The following CATSPERB variants were observed in gnomAD, a reference collection of about 807,000 sequenced individuals.
CATSPERB encodes the protein cation channel sperm-associated auxiliary subunit beta.
A neutral mutation model predicts 128.3 loss-of-function variants in CATSPERB; 93 were observed. The observed-to-expected ratio is 0.72, with a 90% CI of 0.61 to 0.86. The LOEUF is 0.86. CATSPERB is among the 40% of genes least tolerant of loss of function. The pLI is 0.00. For missense variants in CATSPERB, 1,153 were observed against 1,329.5 expected (o/e 0.87, Z 2.06); for synonymous variants, 381 against 448.8 (o/e 0.85, Z 1.91).
intron 20 of CATSPERB, among the ~76,000 whole-genome samples, chr14:91,616,032 A>G (rs1595148074): frequency 6.6e-6 from 1 of 151,950 alleles, no homozygotes; most frequent in East Asian, 1.9e-4. Flanking sequence ...GGCGCATGCC[A>G]CCATGCCTGG....
At chr14:91,731,803 A>G (rs1938736367) in intron 1 of CATSPERB, 127 bp downstream of exon 1, 1 of 152,202 alleles carries the variant, frequency 6.6e-6, no homozygotes, top group African/African-American at 2.4e-5. Flanking sequence ...GAATTGCCCC[A>G]TTGAAGGAAG....
rs552146962 is a variant in CATSPERB at position 91,665,303 on chromosome 14, C to A, written c.1287+4511G>T. On this transcript the variant is annotated intron_variant, in intron 14 of 26. Coordinates refer to ENST00000256343, the MANE Select transcript of CATSPERB (RefSeq NM_024764.4). ...CATCACTGTTAGTTTCCAATCCATG[C>A]GCCCTAGGAATTCTAGAACAAAAGA... 4.7e-4 allele frequency among the ~76,000 whole-genome samples: 71 copies of A among 152,234 alleles called. 1 individual carries two copies. Among genetic ancestry groups the A allele is most frequent in the Middle Eastern group, 6.8e-3 (2 of 294 alleles).
chr14:91,675,264 G>A (rs1325605375), intron 11 of CATSPERB, among the ~76,000 whole-genome samples: 2 of 152,220 alleles, frequency 1.3e-5, no homozygotes, highest in Admixed American at 1.3e-4. Context: ...AGCTGACCCT[G>A]CAGCTGGGGC....
intron 22 of CATSPERB, among the ~76,000 whole-genome samples, chr14:91,607,166 C>T (rs1893726087): frequency 6.6e-6 from 1 of 150,906 alleles, no homozygotes; most frequent in Non-Finnish European, 1.5e-5. Context: ...GTTCTGGGCA[C>T]TGGGGATATA....
chr14:91,654,300 C>G (rs1209668988), intron 15 of CATSPERB, among the ~76,000 whole-genome samples: 1 of 152,110 alleles, frequency 6.6e-6, no homozygotes, highest in Non-Finnish European at 1.5e-5. Context: ...ACGAAGTGGG[C>G]TCCTGGGGTC....
rs76257756 is a variant in CATSPERB, at chr14:91,681,157, G to A, written c.931+2720C>T. Among the ~76,000 whole-genome samples, 1,522 of 152,224 alleles carry A rather than the reference G, an allele frequency of 1.0e-2. 16 individuals are homozygous for A. Among genetic ancestry groups the A allele is most frequent in the African/African-American group, 0.033 (1,359 of 41,542 alleles). ...CTCCTATAACTTGTTCAATTCGTAC[G>A]TTTAGCCAACGTTTCATCATGTCCC... On this transcript the variant is annotated intron_variant, in intron 11 of 26. Transcript: ENST00000256343.
At position 91,656,177 on chromosome 14, in the gene CATSPERB, T is replaced by C. The variant is rs113064466; in HGVS notation, c.1432+3660A>G. Among the ~76,000 whole-genome samples the C allele has an allele frequency of 1.1e-4, 17 of 152,092 alleles. 1 individual carries two copies. The highest frequency in any genetic ancestry group is 4.1e-4 in the African/African-American group (17 of 41,508). On this transcript the variant is annotated intron_variant, in intron 15 of 26. Coordinates refer to ENST00000256343, the MANE Select transcript of CATSPERB (RefSeq NM_024764.4). ...AACACCAGACCTGCCATATAAGAAA[T>C]GCTAAAGGGAATACTTCAAGCATAA...
intron 11 of CATSPERB, among the ~76,000 whole-genome samples, chr14:91,681,804 G>C (rs561051452): frequency 1.3e-5 from 2 of 152,320 alleles, no homozygotes; most frequent in African/African-American, 4.8e-5. Flanking sequence ...GCATTCATCT[G>C]TCAAACTGGC....
intron 6 of CATSPERB, among the ~76,000 whole-genome samples, chr14:91,707,575 CTTTT>C (rs539712771): frequency 5.1e-5 from 3 of 58,280 alleles, no homozygotes; most frequent in Non-Finnish European, 6.1e-5. Context: ...TATGTACTTC[CTTTT>C]TTTTTTTTTT....
chr14:91,618,215 G>A (rs1893981471), intron 19 of CATSPERB, among the ~76,000 whole-genome samples: 1 of 152,150 alleles, frequency 6.6e-6, no homozygotes, highest in African/African-American at 2.4e-5. Context: ...GACAACCAGA[G>A]GTCACTCTGA....
At chr14:91,662,467 C>G (rs1894903512) in intron 14 of CATSPERB, among the ~76,000 whole-genome samples, 1 of 152,158 alleles carries the variant, frequency 6.6e-6, no homozygotes, top group African/African-American at 2.4e-5. Flanking sequence ...TCATAGACAT[C>G]TGGATTACTT....
chr14:91,696,072 T>C (rs1005359670), intron 7 of CATSPERB, among the ~76,000 whole-genome samples: 1 of 152,092 alleles, frequency 6.6e-6, no homozygotes. Context: ...CAAGAAGAAA[T>C]GCGTAATAGA....
chr14:91,728,481 T>C (rs936086265), intron 2 of CATSPERB, among the ~76,000 whole-genome samples: 1 of 152,176 alleles, frequency 6.6e-6, no homozygotes, highest in African/African-American at 2.4e-5. Context: ...TTGGTATCAT[T>C]TTGTGAATTA....
intron 15 of CATSPERB, among the ~76,000 whole-genome samples, chr14:91,655,025 T>C (rs1612520): frequency 0.2 from 30,661 of 151,596 alleles, 3,269 homozygotes; most frequent in African/African-American, 0.25. Context: ...TACCTGGTAA[T>C]ACAGGTAATA....
chr14:91,603,482 T>TA, intron 22 of CATSPERB: 2 of 1,243,228 alleles, frequency 1.6e-6, no homozygotes, highest in Non-Finnish European at 2.4e-6. Context: ...CCCTAAGTCT[T>TA]AAAGTGTGGG....
chr14:91,687,294 C>G (rs746966760), intron 10 of CATSPERB, among the ~76,000 whole-genome samples: 34 of 152,208 alleles, frequency 2.2e-4, no homozygotes, highest in South Asian at 6.2e-4. Flanking sequence ...GCTCATTTCC[C>G]TTGCAACATG....
intron 7 of CATSPERB, among the ~76,000 whole-genome samples, chr14:91,695,893 G>A (rs1405259162): frequency 1.3e-5 from 2 of 152,164 alleles, no homozygotes; most frequent in Admixed American, 6.5e-5. Flanking sequence ...CAGCACAATC[G>A]GGGAATGTTG....
chr14:91,606,390 C>G (rs940922881), intron 22 of CATSPERB, among the ~76,000 whole-genome samples: 1 of 151,866 alleles, frequency 6.6e-6, no homozygotes, highest in Non-Finnish European at 1.5e-5. Context: ...TGGCAAAACC[C>G]CGTCTCTACT....
rs778032677 is a variant in CATSPERB at position 91,592,007 on chromosome 14, A to G, written c.2710-5T>C. 6.3e-7 allele frequency: 1 copy of G among 1,582,170 alleles called. No homozygotes were observed. Among genetic ancestry groups the G allele is most frequent in the South Asian group, 1.1e-5 (1 of 90,288 alleles). On this transcript the variant is annotated splice_polypyrimidine_tract_variant and splice_region_variant and intron_variant, in intron 22 of 26. Transcript: ENST00000256343. Reference sequence around the variant, plus strand: ...CTGTTTGAATTTACCGGTTTTCTGCAAATAGAAGTAACAGATGTTGACTTG... The same window carrying G: ...CTGTTTGAATTTACCGGTTTTCTGCGAATAGAAGTAACAGATGTTGACTTG...
Sources: allele counts gnomAD v4.1 joint callset (sites outside exome capture counted in the v4.1 genomes callset), GRCh38; gene constraint gnomAD v4.1.1; transcripts MANE v1.5; gene names NCBI Gene and HGNC (gene_info 2026-07-23, HGNC 2026-07-21).